The following BFSP1 variants were observed in gnomAD, a reference collection of about 807,000 sequenced individuals.
The protein encoded by BFSP1 is filensin.
BFSP1 carries 38 observed loss-of-function variants against 43.9 expected under a neutral mutation model. The observed-to-expected ratio is 0.87, with a 90% CI of 0.67 to 1.14. The LOEUF is 1.14. Among genes scored for constraint, BFSP1 ranks in the 50% most tolerant of loss-of-function variants. BFSP1 has a pLI of 0.00. For synonymous variants in BFSP1, 352 were observed against 354.8 expected, an observed-to-expected ratio of 0.99 and a Z score of 0.09; for missense variants, 850 against 875.1, an observed-to-expected ratio of 0.97 and a Z score of 0.36.
intron 4 of BFSP1, among the ~76,000 whole-genome samples, chr20:17,510,064 C>T (rs1366190122): frequency 2.0e-5 from 3 of 152,156 alleles, no homozygotes; most frequent in Admixed American, 6.5e-5. Context: ...GGAAAGTGAC[C>T]GTCTAACTTG....
intron 1 of BFSP1, among the ~76,000 whole-genome samples, chr20:17,546,796 T>C (rs1452217706): frequency 6.6e-6 from 1 of 151,656 alleles, no homozygotes; most frequent in African/African-American, 2.4e-5. Flanking sequence ...GAGGCCGAGG[T>C]AGGTGGATCT....
intron 2 of BFSP1, among the ~76,000 whole-genome samples, chr20:17,519,790 C>T (rs117248605): frequency 0.016 from 2,462 of 152,296 alleles, 24 homozygotes; most frequent in Non-Finnish European, 0.027. Flanking sequence ...GATAATCACC[C>T]GATAAGCTGA....
intron 2 of BFSP1, among the ~76,000 whole-genome samples, chr20:17,520,209 T>TC (rs2034287340): frequency 7.7e-6 from 1 of 130,532 alleles, no homozygotes; most frequent in Admixed American, 7.8e-5. Context: ...GGTTTTAACG[T>TC]GCCCCCCCAC....
upstream of BFSP1, among the ~76,000 whole-genome samples, chr20:17,559,232 T>TA (rs928250532): frequency 9.9e-5 from 15 of 151,616 alleles, no homozygotes; most frequent in African/African-American, 3.2e-4. Flanking sequence ...CTTTTGCCAT[T>TA]AAAAAACAAC....
In BFSP1 at chr20:17,514,804, C is replaced by T; in HGVS notation, c.451G>A (p.Ala151Thr). The change falls in exon 3 of 8, where the codon GCC becomes ACC. Residue 151 changes from alanine (A) to threonine (T), a missense_variant. Physicochemically the swap from Ala to Thr is moderately conservative, Grantham distance 58. Coordinates refer to ENST00000377873, the MANE Select transcript of BFSP1 (RefSeq NM_001195.5). ...TGAAGGCGTAGGTTATGCAGCAAGG[C>T]TTCATCAGCTTCCTGCAATGAGAGC... ...LERLNKEADE[A>T]LLHNLRLQLE... 6.2e-7 allele frequency: 1 copy of T among 1,613,710 alleles called. No homozygotes were observed. The highest frequency in any genetic ancestry group is 8.5e-7 in the Non-Finnish European group (1 of 1,179,826).
rs1415088398 is a variant in BFSP1, at chr20:17,530,999, G to C, written c.331C>G (p.Arg111Gly). ...DLEAERARLE[R>G]QGTEAQRALD... is the part of the protein sequence containing the mutation. Reference sequence around the variant, plus strand: ...GCGCGCTGCGCCTCGGTGCCCTGGCGCTCCAGCCGGGCGCGCTCGGCCTCC... The same window carrying C: ...GCGCGCTGCGCCTCGGTGCCCTGGCCCTCCAGCCGGGCGCGCTCGGCCTCC... Residue 111 changes from arginine (R) to glycine (G), a missense_variant, in exon 1 of 8, where the codon CGC (arginine) becomes GGC (glycine). Physicochemically the swap from Arg to Gly is moderately radical, Grantham distance 125 (BLOSUM62 -2). Coordinates refer to ENST00000377873, the MANE Select transcript of BFSP1 (RefSeq NM_001195.5). 1.4e-6 allele frequency: 2 copies of C among 1,437,390 alleles called. No homozygotes were observed. Among genetic ancestry groups the C allele is most frequent in the African/African-American group, 1.5e-5 (1 of 67,260 alleles). The allele number at this position is 1,437,390 out of a possible 1,614,324, so 89.0% of individuals were successfully genotyped here.
intron 5 of BFSP1, among the ~76,000 whole-genome samples, chr20:17,501,172 C>CT (rs2033790090): frequency 6.6e-6 from 1 of 152,222 alleles, no homozygotes; most frequent in South Asian, 2.1e-4. Context: ...ACTGGACACC[C>CT]TGGAAGATGA....
chr20:17,545,696 A>T (rs2034788804), intron 1 of BFSP1, among the ~76,000 whole-genome samples: 1 of 152,248 alleles, frequency 6.6e-6, no homozygotes, highest in South Asian at 2.1e-4. Flanking sequence ...TCCTACAACA[A>T]CAGAAAACCT....
chr20:17,531,192 C>A lies in BFSP1; in HGVS notation c.138G>T (p.Gly46=). ...AGATSLAALQ[G]LGERVAAHVQ... The stretch of plus-strand genomic sequence containing the variant: ...CGTGGGCGGCCACGCGCTCGCCGAG[C>A]CCCTGCAGCGCCGCCAGGCTCGTTG... The change falls in exon 1 of 8, where the codon GGG becomes GGT. Residue 46 remains glycine, a synonymous_variant. Transcript: ENST00000377873. 2 of 1,305,362 alleles carry A rather than the reference C, an allele frequency of 1.5e-6. No individual in the cohort carries two copies. Among genetic ancestry groups the A allele is most frequent in the Non-Finnish European group, 1.9e-6 (2 of 1,028,402 alleles). The allele number at this position is 1,305,362 out of a possible 1,614,324, so 80.9% of individuals were successfully genotyped here. A position where few individuals can be genotyped will look rare whatever the true frequency, so the allele number is the denominator to read the frequency against.
chr20:17,494,504 T>G lies in BFSP1; in HGVS notation c.1568A>C (p.Asn523Thr), dbSNP rs765774440. The change falls in exon 8 of 8, where the codon AAT becomes ACT. Residue 523 changes from asparagine (N) to threonine (T), a missense_variant. Asn to Thr is a moderately conservative substitution (Grantham distance 65). Transcript: ENST00000377873. ...SPESPKPPLE[N>T]GQVGLQEKED... ...TTTCTCCTGCAGACCCACCTGCCCA[T>G]TCTCTAAAGGGGGCTTGGGTGACTC... The G allele has an allele frequency of 1.9e-6, 3 of 1,614,052 alleles. No homozygotes were observed. The highest frequency in any genetic ancestry group is 2.5e-6 in the Non-Finnish European group (3 of 1,180,038).
At chr20:17,516,333 AAATT>A (rs563718022) in intron 2 of BFSP1, among the ~76,000 whole-genome samples, 9 of 152,272 alleles carry the variant, frequency 5.9e-5, no homozygotes, top group East Asian at 1.9e-4. Flanking sequence ...ATCTCAAAAA[AAATT>A]AATTAATTAA....
At chr20:17,498,760 G>T in intron 6 of BFSP1, 60 bp downstream of exon 6, 1 of 1,550,784 alleles carries the variant, frequency 6.4e-7, no homozygotes, top group Non-Finnish European at 8.8e-7. Flanking sequence ...CACACAATAG[G>T]CACTCAATAA....
chr20:17,508,983 G>A lies in BFSP1; in HGVS notation c.641C>T (p.Thr214Met), dbSNP rs577981820. ...CCGCAGGGCGGCCACCTCCCGCTCC[G>A]TCAGGAGCTTCTCCTGCACAGAGAA... The part of the protein sequence containing the change: ...TSGMREEKLL[T>M]EREVAALRSQ... The change falls in exon 5 of 8, where the codon ACG (threonine) becomes ATG (methionine). Residue 214 changes from threonine to methionine, a missense_variant. By Grantham distance (81) the Thr-to-Met change is moderately conservative. Transcript: ENST00000377873. 2.0e-5 allele frequency: 32 copies of A among 1,586,262 alleles called. No homozygotes were observed. Among genetic ancestry groups the A allele is most frequent in the South Asian group, 1.2e-4 (10 of 85,780 alleles).
chr20:17,538,125 GAAAA>G lies in BFSP1; in HGVS notation c.3-13221_3-13218del, dbSNP rs1245927195. Among the ~76,000 whole-genome samples the G allele has an allele frequency of 5.3e-5, 6 of 113,458 alleles. No individual in the cohort carries two copies. In the South Asian group the frequency reaches 1.7e-3, roughly 31 times the overall value. The allele number at this position is 113,458 out of a possible 152,430, so 74.4% of individuals were successfully genotyped here. A position where few individuals can be genotyped will look rare whatever the true frequency, so the allele number is the denominator to read the frequency against. On this transcript the variant is annotated intron_variant, in intron 1 of 7. Coordinates refer to the BFSP1 transcript ENST00000377868. ...GACAGAAGGACACTGTGTCTCAAAA[GAAAA>G]AAAAAAGAAAGAGAGAAAGGAAAGG...
At chr20:17,511,948 G>A in intron 4 of BFSP1, 28 bp downstream of exon 4, 2 of 1,555,002 alleles carry the variant, frequency 1.3e-6, no homozygotes, top group Non-Finnish European at 1.8e-6. Flanking sequence ...TCCAGGGCTG[G>A]TTTGCCTTTT....
chr20:17,538,401 A>G (rs1287631606), intron 1 of BFSP1, among the ~76,000 whole-genome samples: 8 of 152,246 alleles, frequency 5.3e-5, no homozygotes, highest in Non-Finnish European at 1.2e-4. Flanking sequence ...CAACTTTTCC[A>G]TAAGTTTGAA....
chr20:17,540,507 G>T (rs1369063588), intron 1 of BFSP1, among the ~76,000 whole-genome samples: 1 of 152,036 alleles, frequency 6.6e-6, no homozygotes, highest in Non-Finnish European at 1.5e-5. Flanking sequence ...TTCCAGTTAA[G>T]GTCCCCCGCT....
chr20:17,542,427 CAAAAAAAAAA>C (rs3076281), intron 1 of BFSP1, among the ~76,000 whole-genome samples: 2 of 114,876 alleles, frequency 1.7e-5, no homozygotes, highest in Non-Finnish European at 1.8e-5. Flanking sequence ...TCATCTCTAC[CAAAAAAAAAA>C]AAAAAAAAAA....
chr20:17,497,312 GC>G (rs2033657259), intron 6 of BFSP1, among the ~76,000 whole-genome samples: 1 of 151,782 alleles, frequency 6.6e-6, no homozygotes, highest in South Asian at 2.1e-4. Context: ...ATGAGACAGT[GC>G]CTTTTTTATT....
Sources: gnomAD v4.1 joint callset for allele counts (sites outside exome capture counted in the v4.1 genomes callset) on GRCh38, gnomAD v4.1.1 for gene constraint, MANE v1.5 for transcripts, NCBI Gene and HGNC (gene_info 2026-07-23, HGNC 2026-07-21) for gene names.